Variants in FGF14 observed in about 807,000 individuals in gnomAD.
FGF14 encodes the protein fibroblast growth factor homologous factor 4.
Under a neutral mutation model 25.5 loss-of-function variants are expected in FGF14, and 5 were observed. The ratio of observed to expected loss-of-function variants is 0.20; its 90% CI spans 0.10 to 0.41. FGF14 has a LOEUF of 0.41. Among genes scored for constraint, FGF14 ranks in the 10% least tolerant of loss-of-function variants. FGF14 has a pLI of 1.00. For missense variants in FGF14, 222 were observed against 320.1 expected (o/e 0.69, Z 2.34); for synonymous variants, 138 against 118.3 (o/e 1.17, Z -1.08).
rs185038534 is a variant in FGF14 at position 102,258,951 on chromosome 13, T to C, written c.208+142520A>G. ...CTCTTTATGCCTCCCAGGAAGTTAA[T>C]AGATAGATAGTTTTACCTGTATGTG... On this transcript the variant is annotated intron_variant, in intron 1 of 4. Transcript: ENST00000376131. Among the ~76,000 whole-genome samples, 252 of 152,292 alleles carry C rather than the reference T, an allele frequency of 1.7e-3. 1 individual carries two copies. Among genetic ancestry groups the C allele is most frequent in the African/African-American group, 5.4e-3 (223 of 41,550 alleles).
chr13:101,748,377 CAT>C (rs1295355992), intron 3 of FGF14, among the ~76,000 whole-genome samples: 1 of 151,892 alleles, frequency 6.6e-6, no homozygotes, highest in African/African-American at 2.4e-5. Context: ...TGAAATAACT[CAT>C]AAGCATAGAG....
At chr13:102,394,429 G>C (rs1224910943) in intron 1 of FGF14, 2 of 152,396 alleles carry the variant, frequency 1.3e-5, no homozygotes, top group East Asian at 3.9e-4. Flanking sequence ...GAAGAGCGAA[G>C]ATCTCTGCCA....
intron 1 of FGF14, among the ~76,000 whole-genome samples, chr13:102,156,403 C>A (rs1437549815): frequency 6.6e-6 from 1 of 152,180 alleles, no homozygotes; most frequent in Non-Finnish European, 1.5e-5. Context: ...GAACCAATGA[C>A]AAAAACCACA....
chr13:101,755,299 A>G (rs911240487), intron 3 of FGF14, among the ~76,000 whole-genome samples: 5 of 152,068 alleles, frequency 3.3e-5, no homozygotes, highest in Non-Finnish European at 2.9e-5. Flanking sequence ...TTCTTTCCCA[A>G]TTTTCTTTAT....
chr13:102,051,283 T>C (rs140464113), intron 1 of FGF14, among the ~76,000 whole-genome samples: 40 of 152,322 alleles, frequency 2.6e-4, no homozygotes, highest in African/African-American at 8.9e-4. Context: ...CCAGATCTCT[T>C]TCTGCTCCAC....
intron 3 of FGF14, among the ~76,000 whole-genome samples, chr13:101,758,984 C>T (rs2037831547): frequency 6.6e-6 from 1 of 152,186 alleles, no homozygotes; most frequent in African/African-American, 2.4e-5. Context: ...GCACCTTTTC[C>T]ATGAGAGATC....
chr13:102,348,554 T>C (rs926210480), intron 1 of FGF14, among the ~76,000 whole-genome samples: 2 of 152,188 alleles, frequency 1.3e-5, no homozygotes, highest in African/African-American at 4.8e-5. Flanking sequence ...AGCCTGGGCA[T>C]AGAGAAAATC....
intron 1 of FGF14, among the ~76,000 whole-genome samples, chr13:102,089,906 T>C (rs1409015029): frequency 6.6e-6 from 1 of 152,186 alleles, no homozygotes; most frequent in African/African-American, 2.4e-5. Context: ...GTGTCCAAGG[T>C]TTATACTTAG....
intron 1 of FGF14, among the ~76,000 whole-genome samples, chr13:102,155,233 C>G (rs2047275284): frequency 6.6e-6 from 1 of 152,228 alleles, no homozygotes. Flanking sequence ...CCACACTACA[C>G]CTATTCCAAA....
At chr13:102,100,401 A>C (rs2044603372) in intron 1 of FGF14, among the ~76,000 whole-genome samples, 1 of 152,102 alleles carries the variant, frequency 6.6e-6, no homozygotes, top group African/African-American at 2.4e-5. Context: ...CCAGACAAGG[A>C]GTTAATTGCT....
At chr13:102,161,644 A>AAGGAGAAGG in intron 1 of FGF14, among the ~76,000 whole-genome samples, 1 of 17,024 alleles carries the variant, frequency 5.9e-5, no homozygotes, top group Non-Finnish European at 1.1e-4. Context: ...GAAGAAGAAG[A>AAGGAGAAGG]AGAAGAAGAA....
At chr13:102,164,734 T>G (rs1453126835) in intron 1 of FGF14, among the ~76,000 whole-genome samples, 2 of 152,180 alleles carry the variant, frequency 1.3e-5, no homozygotes, top group African/African-American at 4.8e-5. Context: ...GGTTCAAGTG[T>G]TCACCAGCTG....
Position 101,886,885 on chromosome 13 carries a change from T to C in FGF14, c.194-11589A>G, listed in dbSNP as rs569363348. On this transcript the variant is annotated intron_variant, in intron 1 of 4. Transcript: ENST00000376143. ...AACCCCATTTAAAAATGGACAAAGA[T>C]CTGAATAGACATTCTTGAAAGAAGA... Among the ~76,000 whole-genome samples, 80 of 152,132 alleles carry C rather than the reference T, an allele frequency of 5.3e-4. 1 individual carries two copies. Among genetic ancestry groups the C allele is most frequent in the South Asian group, 4.4e-3 (21 of 4,814 alleles).
chr13:102,248,015 C>T (rs970178998), intron 1 of FGF14, among the ~76,000 whole-genome samples: 9 of 152,048 alleles, frequency 5.9e-5, no homozygotes, highest in South Asian at 2.1e-4. Flanking sequence ...TGCATGTTCT[C>T]ACTTAGAAGT....
chr13:102,011,024 T>C (rs986934299), intron 1 of FGF14, among the ~76,000 whole-genome samples: 6 of 152,168 alleles, frequency 3.9e-5, no homozygotes, highest in Non-Finnish European at 8.8e-5. Context: ...AATAATGCCA[T>C]TGTTCATTTT....
chr13:101,952,512 C>G (rs955171196), intron 1 of FGF14, among the ~76,000 whole-genome samples: 3 of 151,672 alleles, frequency 2.0e-5, no homozygotes, highest in Non-Finnish European at 4.4e-5. Context: ...AATAATAAAT[C>G]TGAATGATGA....
intron 1 of FGF14, among the ~76,000 whole-genome samples, chr13:101,979,275 C>T (rs1373392341): frequency 2.0e-5 from 3 of 152,154 alleles, no homozygotes; most frequent in South Asian, 4.1e-4. Context: ...TTGTAAAGTG[C>T]TTAGAACAAT....
intron 1 of FGF14, chr13:102,300,297 A>C (rs991196572): frequency 6.6e-6 from 1 of 152,020 alleles, no homozygotes; most frequent in Non-Finnish European, 1.5e-5. Flanking sequence ...TCTCCAGCTG[A>C]AAACTACAGC....
intron 1 of FGF14, among the ~76,000 whole-genome samples, chr13:101,889,304 T>G (rs2138873010): frequency 6.6e-6 from 1 of 152,294 alleles, no homozygotes; most frequent in Admixed American, 6.5e-5. Flanking sequence ...TTCAGAGGAC[T>G]ATGTAGCTAA....
Sources: gnomAD v4.1 joint callset for allele counts (sites outside exome capture counted in the v4.1 genomes callset) on GRCh38, gnomAD v4.1.1 for gene constraint, MANE v1.5 for transcripts, NCBI Gene and HGNC (gene_info 2026-07-23, HGNC 2026-07-21) for gene names.